The following CYP4F12 variants were observed in gnomAD, a reference collection of about 807,000 sequenced individuals.
CYP4F12 encodes cytochrome P450 family 4 subfamily F member 12, also known as cytochrome P450 4F12.
CYP4F12 carries 60 observed loss-of-function variants against 56.5 expected under a neutral mutation model. The observed-to-expected ratio is 1.06, with a 90% CI of 0.86 to 1.32. The LOEUF (loss-of-function observed/expected upper bound fraction) is 1.32. Among genes scored for constraint, CYP4F12 ranks in the 40% most tolerant of loss-of-function variants. The probability of loss-of-function intolerance (pLI) is 0.00; values close to 1 mark genes in which losing one functional copy is unlikely to be tolerated. For missense variants in CYP4F12, 711 were observed against 683.5 expected (o/e 1.04, Z -0.45); for synonymous variants, 263 against 264.9 (o/e 0.99, Z 0.07).
In CYP4F12 at chr19:15,678,293, G is replaced by C. The variant is rs372064722; in HGVS notation, c.231G>C (p.Ser77=). 3.7e-6 allele frequency: 6 copies of C among 1,614,166 alleles called. No individual in the cohort carries two copies. The highest frequency in any genetic ancestry group is 2.2e-5 in the East Asian group (1 of 44,882). Residue 77 remains serine (S), a synonymous_variant, in exon 3 of 13, where the codon TCG becomes TCC. Transcript: ENST00000550308. ...ITPTEEGLKN[S]TQMSATYSQG... Reference sequence around the variant, plus strand: ...CTACAGAGGAGGGCTTGAAGAACTCGACCCAGATGTCGGCCACCTATTCCC... The same window carrying C: ...CTACAGAGGAGGGCTTGAAGAACTCCACCCAGATGTCGGCCACCTATTCCC...
chr19:15,686,025 C>T (rs998228337), intron 9 of CYP4F12, among the ~76,000 whole-genome samples: 4 of 152,214 alleles, frequency 2.6e-5, no homozygotes, highest in Non-Finnish European at 4.4e-5. Context: ...TGGAAAGAAC[C>T]CTGCCTATGG....
chr19:15,683,005 G>T (rs2007388740), intron 6 of CYP4F12, among the ~76,000 whole-genome samples: 1 of 152,048 alleles, frequency 6.6e-6, no homozygotes, highest in Non-Finnish European at 1.5e-5. Context: ...AGAAAATGTT[G>T]GGATTACAGG....
intron 7 of CYP4F12, 60 bp downstream of exon 7, chr19:15,683,823 G>C: frequency 1.3e-6 from 2 of 1,487,594 alleles, no homozygotes; most frequent in Non-Finnish European, 1.8e-6. Context: ...CAAATGTCAG[G>C]TGAAATAAAT....
chr19:15,696,586 T>C, intron 12 of CYP4F12, 74 bp downstream of exon 12: 1 of 1,489,950 alleles, frequency 6.7e-7, no homozygotes, highest in Non-Finnish European at 9.2e-7. Flanking sequence ...ACGTTGCAGA[T>C]GGTCCCAGTT....
chr19:15,674,902 C>T (rs2006843876), intron 2 of CYP4F12, among the ~76,000 whole-genome samples: 1 of 152,216 alleles, frequency 6.6e-6, no homozygotes, highest in African/African-American at 2.4e-5. Flanking sequence ...GCATTCCCAC[C>T]TTCTCCACTG....
In CYP4F12 at chr19:15,697,146, T is replaced by G. The variant is rs1360335540; in HGVS notation, c.*61T>G. On this transcript the variant is annotated 3_prime_UTR_variant, in exon 13 of 13. Transcript: ENST00000550308. ...TCATGAATAAAACGGTGCTGTCACC[T>G]CTGCCTGGGCCTCACTGACAGCCTG... 2 of 1,559,672 alleles carry G rather than the reference T, an allele frequency of 1.3e-6. No individual in the cohort carries two copies. The highest frequency in any genetic ancestry group is 2.7e-5 in the African/African-American group (2 of 73,848).
In CYP4F12 at chr19:15,679,748, C is replaced by T. The variant is rs545666973; in HGVS notation, c.344-496C>T. 7.3e-4 allele frequency among the ~76,000 whole-genome samples: 111 copies of T among 152,300 alleles called. 1 individual carries two copies. Among genetic ancestry groups the T allele is most frequent in the Middle Eastern group, 3.4e-3 (1 of 294 alleles). On this transcript the variant is annotated intron_variant, in intron 3 of 12. Coordinates refer to ENST00000550308, the MANE Select transcript of CYP4F12 (RefSeq NM_023944.4). ...ATTTTAGTCTCCCTGAGCCAGGTTT[C>T]GGAATCCATTCTAATCACGCTTGAA... is the stretch of plus-strand genomic sequence containing the variant.
rs1402563038 is a variant in CYP4F12 at position 15,695,939 on chromosome 19, C to G, written c.1119C>G (p.Asp373Glu). ...KDRDPKEIEWDDLAQLPFLTM... is the reference protein window; with the variant it reads ...KDRDPKEIEWEDLAQLPFLTM... ...TGGGGCTGGGGTGTTTCCTTAGGGA[C>G]GACCTGGCCCAGCTGCCCTTCCTGA... The change falls in exon 10 of 13, where the codon GAC becomes GAG. Residue 373 changes from aspartate (D) to glutamate (E), a missense_variant. Transcript: ENST00000550308. 6.2e-7 allele frequency: 1 copy of G among 1,612,344 alleles called. No homozygotes were observed. Among genetic ancestry groups the G allele is most frequent in the East Asian group, 2.2e-5 (1 of 44,834 alleles).
rs192076946 is a variant in CYP4F12 at position 15,697,008 on chromosome 19, A to G, written c.1498A>G (p.Arg500Gly). The change falls in exon 13 of 13, where the codon AGG becomes GGG. Residue 500 changes from arginine to glycine, a missense_variant. Transcript: ENST00000550308. ...CCTGCCAGACCACACTGAGCCCCGC[A>G]GGAAGCTGGAATTGATCATGCGCGC... ...RFLPDHTEPR[R>G]KLELIMRAEG... 6.2e-7 allele frequency: 1 copy of G among 1,614,268 alleles called. No homozygotes were observed. The highest frequency in any genetic ancestry group is 8.5e-7 in the Non-Finnish European group (1 of 1,180,040).
rs529430043 is a variant in CYP4F12, at chr19:15,696,439, C to A, written c.1324C>A (p.Pro442Thr). The A allele has an allele frequency of 6.2e-7, 1 of 1,614,036 alleles. No individual in the cohort carries two copies. The highest frequency in any genetic ancestry group is 1.3e-5 in the African/African-American group (1 of 74,922). The change falls in exon 12 of 13, where the codon CCC (proline) becomes ACC (threonine). Residue 442 changes from proline (P) to threonine (T), a missense_variant. Transcript: ENST00000550308. ...TVWPDPEVYD[P>T]FRFDPENSKG... Reference sequence around the variant, plus strand: ...TTTGTCTCACCTGCAGGTCTACGACCCCTTCCGCTTTGACCCAGAGAACAG... The same window carrying A: ...TTTGTCTCACCTGCAGGTCTACGACACCTTCCGCTTTGACCCAGAGAACAG...
At chr19:15,674,730 C>CTCAT (rs1217999252) in intron 2 of CYP4F12, among the ~76,000 whole-genome samples, 98 of 48,834 alleles carry the variant, frequency 2.0e-3, no homozygotes, top group African/African-American at 5.8e-3. Flanking sequence ...CATTCCTTTC[C>CTCAT]TCATTCATTC....
At chr19:15,680,366 C>T (rs377219094) in intron 4 of CYP4F12, 26 bp from the exon 5 acceptor site, 42 of 1,613,800 alleles carry the variant, frequency 2.6e-5, no homozygotes, top group Non-Finnish European at 2.8e-5. Context: ...GCTGCTCTTG[C>T]CCACTGTCCT....
In CYP4F12 at chr19:15,673,561, T is replaced by A. The variant is rs1264926504; in HGVS notation, c.32T>A (p.Leu11His). 1 of 1,614,054 alleles carries A rather than the reference T, an allele frequency of 6.2e-7. No homozygotes were observed. MSLLSLPWLG[L>H]RPVATSPWLL... ...CTGCTGAGCCTGCCCTGGCTGGGCC[T>A]CAGACCGGTGGCAACGTCCCCATGG... Residue 11 changes from leucine (L) to histidine (H), a missense_variant, in exon 2 of 13, where the codon CTC becomes CAC. By Grantham distance (99) the Leu-to-His change is moderately conservative. Coordinates refer to ENST00000550308, the MANE Select transcript of CYP4F12 (RefSeq NM_023944.4).
intron 9 of CYP4F12, 46 bp from the exon 10 acceptor site, chr19:15,695,890 T>G: frequency 3.8e-6 from 6 of 1,579,520 alleles, no homozygotes; most frequent in Non-Finnish European, 5.1e-6. Context: ...TGGAGAGTTG[T>G]GTATTTGTTC....
At chr19:15,688,001 G>T (rs555985282) in intron 9 of CYP4F12, among the ~76,000 whole-genome samples, 2 of 152,346 alleles carry the variant, frequency 1.3e-5, no homozygotes, top group South Asian at 2.1e-4. Flanking sequence ...AGCAGGAAGT[G>T]TGCTGCAGAC....
intron 9 of CYP4F12, among the ~76,000 whole-genome samples, chr19:15,691,714 T>C (rs1245847753): frequency 6.7e-6 from 1 of 149,682 alleles, no homozygotes; most frequent in African/African-American, 2.5e-5. Context: ...TCTGTTTTTT[T>C]GTTGCAAAAG....
At chr19:15,683,199 G>A (rs1402870331) in intron 6 of CYP4F12, among the ~76,000 whole-genome samples, 2 of 152,162 alleles carry the variant, frequency 1.3e-5, no homozygotes, top group Admixed American at 1.3e-4. Context: ...TTTTGGTAAG[G>A]AAAATGATCA....
At chr19:15,689,382 G>A (rs886811925) in intron 9 of CYP4F12, among the ~76,000 whole-genome samples, 6 of 152,144 alleles carry the variant, frequency 3.9e-5, no homozygotes, top group African/African-American at 1.2e-4. Flanking sequence ...CTAATCATCA[G>A]GGATATGCAA....
At chr19:15,678,146 C>T in intron 2 of CYP4F12, 115 bp from the exon 3 acceptor site, 1 of 1,356,830 alleles carries the variant, frequency 7.4e-7, no homozygotes, top group Non-Finnish European at 1.0e-6. Flanking sequence ...CAAACACCCT[C>T]ACAGACACAC....
Sources: gnomAD v4.1 joint callset for allele counts (sites outside exome capture counted in the v4.1 genomes callset) on GRCh38, gnomAD v4.1.1 for gene constraint, MANE v1.5 for transcripts, NCBI Gene and HGNC (gene_info 2026-07-23, HGNC 2026-07-21) for gene names.